MMP15: variants seen among roughly 807,000 people sequenced by gnomAD.
MMP15 encodes matrix metalloproteinase-15.
In MMP15, 36 loss-of-function variants were observed where a neutral mutation model predicts 65.0. The ratio of observed to expected loss-of-function variants is 0.55; its 90% CI spans 0.42 to 0.73. The LOEUF is 0.73. Ranked by LOEUF, MMP15 falls within the 30% of genes least tolerant of loss-of-function variation. MMP15 has a pLI of 0.00. For missense variants in MMP15, 870 were observed against 987.8 expected (o/e 0.88, Z 1.60); for synonymous variants, 428 against 410.2 (o/e 1.04, Z -0.52).
chr16:58,040,334 G>A, intron 4 of MMP15, 152 bp downstream of exon 4: 1 of 1,048,204 alleles, frequency 9.5e-7, no homozygotes. Flanking sequence ...TCAGTCTGTT[G>A]TCCCACCATC....
At chr16:58,042,772 C>T (rs1455705792) in intron 7 of MMP15, among the ~76,000 whole-genome samples, 1 of 152,224 alleles carries the variant, frequency 6.6e-6, no homozygotes, top group Non-Finnish European at 1.5e-5. Flanking sequence ...GGGCTCTAAC[C>T]CCACTGTCCT....
chr16:58,032,358 T>C (rs976204684), intron 1 of MMP15, among the ~76,000 whole-genome samples: 5 of 152,202 alleles, frequency 3.3e-5, no homozygotes, highest in Non-Finnish European at 4.4e-5. Flanking sequence ...AGGGGCAGCC[T>C]TCCGGGGGCT....
chr16:58,030,149 G>A (rs1278055620), intron 1 of MMP15, among the ~76,000 whole-genome samples: 2 of 152,176 alleles, frequency 1.3e-5, no homozygotes, highest in African/African-American at 4.8e-5. Flanking sequence ...CTTTGGTCCT[G>A]GAGATGTGTT....
In MMP15 at chr16:58,026,234, G is replaced by A; in HGVS notation, c.-117G>A. On this transcript the variant is annotated 5_prime_UTR_variant, in exon 1 of 10. Transcript: ENST00000219271. ...ACCTAGGCGGCTCCGGCGGGGACCG[G>A]GAGCCCGAGGTCCGCGGCGCGCCTG... 1 of 1,145,136 alleles carries A rather than the reference G, an allele frequency of 8.7e-7. No homozygotes were observed. The highest frequency in any genetic ancestry group is 1.1e-6 in the Non-Finnish European group (1 of 908,094). The allele number at this position is 1,145,136 out of a possible 1,614,324, so 70.9% of individuals were successfully genotyped here.
intron 9 of MMP15, among the ~76,000 whole-genome samples, chr16:58,044,778 C>T (rs530835514): frequency 6.6e-6 from 1 of 152,364 alleles, no homozygotes; most frequent in East Asian, 1.9e-4. Context: ...CCTTCCCCAG[C>T]TAATGTCAGT....
At chr16:58,035,854 G>C (rs754803360) in intron 1 of MMP15, among the ~76,000 whole-genome samples, 2 of 152,216 alleles carry the variant, frequency 1.3e-5, no homozygotes, top group African/African-American at 2.4e-5. Flanking sequence ...GTCAGCAGCT[G>C]CTCCGTCTAT....
At chr16:58,032,317 G>A (rs1318620485) in intron 1 of MMP15, among the ~76,000 whole-genome samples, 1 of 152,226 alleles carries the variant, frequency 6.6e-6, no homozygotes, top group Non-Finnish European at 1.5e-5. Context: ...GTTGCTGGGA[G>A]GCCTGTTGTG....
At position 58,045,074 on chromosome 16, in the gene MMP15, C is replaced by A; in HGVS notation, c.1638C>A (p.Pro546=). The change falls in exon 10 of 10, where the codon CCC becomes CCA. Residue 546 remains proline, a synonymous_variant. Transcript: ENST00000219271. ...ACAATGAGCGCCTGCGGATGGAGCC[C>A]GGCTACCCCAAGTCCATCCTGCGGG... is the stretch of plus-strand genomic sequence containing the variant. ...KFDNERLRME[P]GYPKSILRDF... is the part of the protein sequence containing the mutation. 6.2e-7 allele frequency: 1 copy of A among 1,613,170 alleles called. No individual in the cohort carries two copies. Among genetic ancestry groups the A allele is most frequent in the South Asian group, 1.1e-5 (1 of 91,020 alleles).
At chr16:58,026,955 G>T (rs1047817054) in intron 1 of MMP15, among the ~76,000 whole-genome samples, 5 of 152,250 alleles carry the variant, frequency 3.3e-5, no homozygotes, top group African/African-American at 1.2e-4. Flanking sequence ...CGGAGCAAGA[G>T]CTGGGCGGCT....
At chr16:58,043,039 C>T (rs935030839) in intron 7 of MMP15, among the ~76,000 whole-genome samples, 171 bp from the exon 8 acceptor site, 6 of 152,220 alleles carry the variant, frequency 3.9e-5, no homozygotes, top group African/African-American at 1.4e-4. Flanking sequence ...ACAAGTGTGC[C>T]TCAGGTATCC....
chr16:58,043,104 T>C (rs1039529457), intron 7 of MMP15, 106 bp from the exon 8 acceptor site: 5 of 1,073,946 alleles, frequency 4.7e-6, no homozygotes, highest in Non-Finnish European at 5.2e-6. Flanking sequence ...CTTGAATATG[T>C]AGAGGGGTGT....
At chr16:58,035,544 C>G (rs753262440) in intron 1 of MMP15, among the ~76,000 whole-genome samples, 1 of 152,228 alleles carries the variant, frequency 6.6e-6, no homozygotes, top group Non-Finnish European at 1.5e-5. Flanking sequence ...AGGGTGGTGT[C>G]AGGCACTAGC....
intron 6 of MMP15, 30 bp downstream of exon 6, chr16:58,041,900 G>T (rs1321844374): frequency 6.5e-7 from 1 of 1,544,600 alleles, no homozygotes; most frequent in South Asian, 1.3e-5. Context: ...GCCTGGCCCT[G>T]AGCCTTTTCC....
Position 58,045,670 on chromosome 16 carries a change from C to T in MMP15, c.*224C>T. The T allele has an allele frequency of 1.8e-6, 1 of 557,146 alleles. No homozygotes were observed. Among genetic ancestry groups the T allele is most frequent in the Non-Finnish European group, 3.1e-6 (1 of 319,388 alleles). The allele number at this position is 557,146 out of a possible 1,614,324, so 34.5% of individuals were successfully genotyped here. On this transcript the variant is annotated 3_prime_UTR_variant, in exon 10 of 10. Coordinates refer to ENST00000219271, the MANE Select transcript of MMP15 (RefSeq NM_002428.4). ...ACTGGGGCAGGGTGTTTAGAATTTT[C>T]TAAATGTAGTTCTGCTCCAGACAGG...
intron 1 of MMP15, among the ~76,000 whole-genome samples, chr16:58,030,547 C>G (rs1963879042): frequency 6.6e-6 from 1 of 152,170 alleles, no homozygotes. Flanking sequence ...CAGCCATTAG[C>G]CAGCCCCTGG....
intron 3 of MMP15, among the ~76,000 whole-genome samples, chr16:58,039,649 C>T (rs1307829660): frequency 6.6e-6 from 1 of 152,220 alleles, no homozygotes; most frequent in African/African-American, 2.4e-5. Context: ...CTTAATGTCT[C>T]TCTTACTTAA....
intron 1 of MMP15, among the ~76,000 whole-genome samples, chr16:58,028,082 A>C (rs1963847786): frequency 6.6e-6 from 1 of 152,216 alleles, no homozygotes. Flanking sequence ...GATGGAATTC[A>C]ATGGCCGTGC....
chr16:58,033,740 C>G (rs1959278663), intron 1 of MMP15, among the ~76,000 whole-genome samples: 1 of 152,138 alleles, frequency 6.6e-6, no homozygotes, highest in Non-Finnish European at 1.5e-5. Flanking sequence ...GTGTCTCTAC[C>G]AAAAATAGAA....
At position 58,042,385 on chromosome 16, in the gene MMP15, G is replaced by T. The variant is rs756588098; in HGVS notation, c.1303+16G>T. 2 of 1,613,284 alleles carry T rather than the reference G, an allele frequency of 1.2e-6. No individual in the cohort carries two copies. The highest frequency in any genetic ancestry group is 1.7e-6 in the Non-Finnish European group (2 of 1,179,608). On this transcript the variant is annotated intron_variant, in intron 7 of 9. Coordinates refer to ENST00000219271, the MANE Select transcript of MMP15 (RefSeq NM_002428.4). ...TTTTTCAAAGGTGAGCAGAGGTAGG[G>T]TTAGAGGGTTGGGCACGCCTCCTGC...
Sources: allele counts gnomAD v4.1 joint callset (sites outside exome capture counted in the v4.1 genomes callset), GRCh38; gene constraint gnomAD v4.1.1; transcripts MANE v1.5; gene names NCBI Gene and HGNC (gene_info 2026-07-23, HGNC 2026-07-21).